ZNF655: variants seen among roughly 807,000 people sequenced by gnomAD.
ZNF655 encodes the protein zinc finger protein 655, also known as Vav-interacting Kruppel-like protein 1.
ZNF655 carries 3 observed loss-of-function variants against 6.6 expected under a neutral mutation model. That is an observed-to-expected ratio of 0.46 (90% CI 0.21 to 1.18). The LOEUF (loss-of-function observed/expected upper bound fraction) is 1.18. Ranked by LOEUF, ZNF655 falls within the 50% of genes most tolerant of loss-of-function variation. ZNF655 has a pLI of 0.24. For synonymous variants in ZNF655, 178 were observed against 195.0 expected (o/e 0.91, Z 0.73); for missense variants, 526 against 572.3 (o/e 0.92, Z 0.83).
At chr7:99,561,636 T>C (rs1412435843) in intron 2 of ZNF655, among the ~76,000 whole-genome samples, 1 of 152,206 alleles carries the variant, frequency 6.6e-6, no homozygotes, top group Non-Finnish European at 1.5e-5. Context: ...AAGAGGACTG[T>C]CATGTGATGA....
intron 2 of ZNF655, chr7:99,571,476 C>A: frequency 7.8e-7 from 1 of 1,278,864 alleles, no homozygotes. Context: ...CTTCTGCTCC[C>A]AAGTCATCAA....
chr7:99,566,944 C>T (rs1803682150), intron 2 of ZNF655, among the ~76,000 whole-genome samples: 3 of 151,714 alleles, frequency 2.0e-5, no homozygotes, highest in Non-Finnish European at 4.4e-5. Context: ...TTTTTGGAGA[C>T]AGTCTTGCTC....
At position 99,572,823 on chromosome 7, in the gene ZNF655, C is replaced by A. The variant is rs1295483418; in HGVS notation, c.715C>A (p.Pro239Thr). The change falls in exon 3 of 3, where the codon CCC becomes ACC. Residue 239 changes from proline to threonine, a missense_variant. Pro to Thr is a conservative substitution (Grantham distance 38). Transcript: ENST00000252713. ...TCAGAGAATCCATACTAGAGAGAAGCCCTACAAATGTAAAGAATGTGAAAA... is the reference window on the plus strand; with the variant it reads ...TCAGAGAATCCATACTAGAGAGAAGACCTACAAATGTAAAGAATGTGAAAA... ...RHQRIHTREK[P>T]YKCKECEKSF... 1.9e-6 allele frequency: 3 copies of A among 1,613,830 alleles called. No homozygotes were observed. Among genetic ancestry groups the A allele is most frequent in the Non-Finnish European group, 2.5e-6 (3 of 1,179,970 alleles).
chr7:99,569,870 A>G (rs1803904441), intron 2 of ZNF655, among the ~76,000 whole-genome samples: 1 of 152,140 alleles, frequency 6.6e-6, no homozygotes, highest in African/African-American at 2.4e-5. Context: ...ATTCTAATAC[A>G]TAGTGGTGAA....
Position 99,572,317 on chromosome 7 carries a change from A to G in ZNF655, c.209A>G (p.Lys70Arg). The change falls in exon 3 of 3, where the codon AAA becomes AGA. Residue 70 changes from lysine (K) to arginine (R), a missense_variant. Transcript: ENST00000252713. ...QKISEEVHSY[K>R]VRVGRLKHDI... is the part of the protein sequence containing the mutation. ...ATTTCGGAAGAAGTGCATTCATACA[A>G]AGTGAGAGTAGGAAGACTCAAACAC... 2.5e-6 allele frequency: 4 copies of G among 1,613,538 alleles called. No individual in the cohort carries two copies. The highest frequency in any genetic ancestry group is 2.5e-6 in the Non-Finnish European group (3 of 1,179,922).
intron 2 of ZNF655, chr7:99,562,514 T>G (rs759153282): frequency 1.2e-6 from 2 of 1,604,162 alleles, no homozygotes; most frequent in South Asian, 2.2e-5. Flanking sequence ...TCCTTATTAT[T>G]CGGTTTATCT....
rs1176678416 is a variant in ZNF655, at chr7:99,572,345, T to C, written c.237T>C (p.Asp79=). 2 of 1,613,212 alleles carry C rather than the reference T, an allele frequency of 1.2e-6. No homozygotes were observed. Among genetic ancestry groups the C allele is most frequent in the African/African-American group, 2.7e-5 (2 of 74,896 alleles). The change falls in exon 3 of 3, where the codon GAT becomes GAC. Residue 79 remains aspartate, a synonymous_variant. Coordinates refer to ENST00000252713, the MANE Select transcript of ZNF655 (RefSeq NM_138494.3). ...TGAGAGTAGGAAGACTCAAACACGA[T>C]ATTACCCAAGTTCCTGAGACTAGAG... ...YKVRVGRLKH[D]ITQVPETREV...
At chr7:99,560,425 T>G in intron 1 of ZNF655, 108 bp from the exon 2 acceptor site, 1 of 1,149,608 alleles carries the variant, frequency 8.7e-7, no homozygotes, top group Non-Finnish European at 1.2e-6. Flanking sequence ...ATCAACTAAT[T>G]TTTATTGAAT....
intron 2 of ZNF655, chr7:99,564,439 C>T: frequency 2.0e-6 from 2 of 1,014,050 alleles, no homozygotes; most frequent in Non-Finnish European, 2.4e-6. Context: ...TCCTTGAAGT[C>T]CCTGTGGCCC....
intron 2 of ZNF655, chr7:99,562,254 C>T (rs1327776764): frequency 7.4e-7 from 1 of 1,344,268 alleles, no homozygotes; most frequent in Non-Finnish European, 1.0e-6. Flanking sequence ...CTAATCTGTT[C>T]TCCCTCCTCC....
At chr7:99,560,073 CTTTTTCTTT>C (rs1421717613) in intron 1 of ZNF655, among the ~76,000 whole-genome samples, 6 of 149,574 alleles carry the variant, frequency 4.0e-5, no homozygotes, top group Non-Finnish European at 7.4e-5. Flanking sequence ...ATCCATATTT[CTTTTTCTTT>C]TTTTTCTTTT....
chr7:99,563,954 A>C, intron 2 of ZNF655: 1 of 1,613,962 alleles, frequency 6.2e-7, no homozygotes, highest in Non-Finnish European at 8.5e-7. Context: ...TCTCTGGAGA[A>C]ACACTTGCCG....
chr7:99,568,471 C>T (rs369871301), intron 2 of ZNF655, among the ~76,000 whole-genome samples: 6 of 151,900 alleles, frequency 3.9e-5, no homozygotes, highest in Non-Finnish European at 5.9e-5. Context: ...AGGATGGTCT[C>T]GATCTCCTGA....
chr7:99,566,893 T>C (rs1803677605), intron 2 of ZNF655, among the ~76,000 whole-genome samples: 1 of 152,196 alleles, frequency 6.6e-6, no homozygotes, highest in South Asian at 2.1e-4. Context: ...TTAAAATAAA[T>C]TTTATTAGAA....
chr7:99,570,854 T>A (rs1437786603), intron 2 of ZNF655: 1 of 153,970 alleles, frequency 6.5e-6, no homozygotes, highest in Non-Finnish European at 1.4e-5. Context: ...CCTTTGATAC[T>A]AATAGTATTA....
In ZNF655 at chr7:99,573,049, G is replaced by T. The variant is rs755234889; in HGVS notation, c.941G>T (p.Arg314Leu). ...AGCAGTTGTGAAAGAGTCTTCAGTC[G>T]TAGTGTCCACCTTACTCAACATCAG... is the stretch of plus-strand genomic sequence containing the variant. ...KCSSCERVFS[R>L]SVHLTQHQKI... The change falls in exon 3 of 3, where the codon CGT (arginine) becomes CTT (leucine). Residue 314 changes from arginine (R) to leucine (L), a missense_variant. Transcript: ENST00000252713. 8 of 1,613,968 alleles carry T rather than the reference G, an allele frequency of 5.0e-6. No homozygotes were observed. The highest frequency in any genetic ancestry group is 1.3e-5 in the African/African-American group (1 of 74,918).
chr7:99,571,418 A>G (rs934575881), intron 2 of ZNF655: 1 of 1,234,044 alleles, frequency 8.1e-7, no homozygotes, highest in Non-Finnish European at 1.0e-6. Flanking sequence ...TTCTGTGAAG[A>G]CAAACCCATG....
chr7:99,569,036 T>C (rs1239331454), intron 2 of ZNF655, among the ~76,000 whole-genome samples: 1 of 152,190 alleles, frequency 6.6e-6, no homozygotes, highest in Non-Finnish European at 1.5e-5. Flanking sequence ...CTGTCCGTCA[T>C]GGCCTCCCAA....
intron 2 of ZNF655, among the ~76,000 whole-genome samples, chr7:99,562,979 C>G (rs1429870827): frequency 2.0e-5 from 3 of 152,186 alleles, no homozygotes; most frequent in Admixed American, 1.3e-4. Context: ...AGTAGTCCCT[C>G]ACCCCTTAAG....
Sources: allele counts gnomAD v4.1 joint callset (sites outside exome capture counted in the v4.1 genomes callset), GRCh38; gene constraint gnomAD v4.1.1; transcripts MANE v1.5; gene names NCBI Gene and HGNC (gene_info 2026-07-23, HGNC 2026-07-21).